The following MYO1H variants were observed in gnomAD, a reference collection of about 807,000 sequenced individuals.
MYO1H encodes the protein unconventional myosin-Ih.
A neutral mutation model predicts 149.3 loss-of-function variants in MYO1H; 118 were observed. That is an observed-to-expected ratio of 0.79 (90% CI 0.68 to 0.92). The LOEUF (loss-of-function observed/expected upper bound fraction) is 0.92, where lower values mean the gene tolerates loss of function less well. Among genes scored for constraint, MYO1H ranks in the 40% least tolerant of loss-of-function variants. The pLI, the probability that MYO1H is intolerant of heterozygous loss-of-function variation, is 0.00. For missense variants in MYO1H, 1,212 were observed against 1,280.7 expected (o/e 0.95, Z 0.82); for synonymous variants, 447 against 465.2 (o/e 0.96, Z 0.50).
At chr12:109,446,044 G>A (rs1019069982) in intron 31 of MYO1H, 8 of 985,078 alleles carry the variant, frequency 8.1e-6, no homozygotes, top group Non-Finnish European at 9.6e-6. Context: ...AAATATAAAC[G>A]TAAGAAAAAT....
chr12:109,397,938 G>C, intron 5 of MYO1H, 126 bp downstream of exon 5: 1 of 578,278 alleles, frequency 1.7e-6, no homozygotes, highest in Non-Finnish European at 2.9e-6. Flanking sequence ...AAATATCCAG[G>C]GTTAGTGCTG....
Position 109,435,120 on chromosome 12 carries a change from T to G in MYO1H, c.2140+7T>G. ...TTTAGTAAACATCAACTAGGTATGATTTCTTTTTCTGTCCCGATTTCAATA... is the reference window on the plus strand; with the variant it reads ...TTTAGTAAACATCAACTAGGTATGAGTTCTTTTTCTGTCCCGATTTCAATA... On this transcript the variant is annotated splice_region_variant and intron_variant, in intron 21 of 31. Transcript: ENST00000310903. 1 of 1,572,166 alleles carries G rather than the reference T, an allele frequency of 6.4e-7. No individual in the cohort carries two copies. The highest frequency in any genetic ancestry group is 2.2e-5 in the East Asian group (1 of 44,684).
chr12:109,398,796 T>C (rs1870028516), intron 5 of MYO1H, among the ~76,000 whole-genome samples: 1 of 147,924 alleles, frequency 6.8e-6, no homozygotes, highest in South Asian at 2.2e-4. Context: ...TGTTTAGGCA[T>C]GCCTGCTTAC....
In MYO1H at chr12:109,422,637, C is replaced by A. The variant is rs138655274; in HGVS notation, c.1644+1610C>A. 3.4e-3 allele frequency among the ~76,000 whole-genome samples: 523 copies of A among 152,326 alleles called. 6 individuals carry two copies. Among genetic ancestry groups the A allele is most frequent in the Non-Finnish European group, 5.5e-3 (377 of 68,030 alleles). ...AAGTCTCCAAATCTCTCCCTTCACC[C>A]ACCAGGGCTGAAGCTCCCTGAACTT... On this transcript the variant is annotated intron_variant, in intron 16 of 31. Transcript: ENST00000310903.
At chr12:109,350,182 T>C (rs765195311) in intron 1 of MYO1H, among the ~76,000 whole-genome samples, 28 of 152,162 alleles carry the variant, frequency 1.8e-4, no homozygotes, top group Non-Finnish European at 3.2e-4. Flanking sequence ...TCGCAGGTGA[T>C]TCATTCAAAA....
Position 109,417,972 on chromosome 12 carries a change from C to T in MYO1H, c.1597+2352C>T, listed in dbSNP as rs552456363. Among the ~76,000 whole-genome samples the T allele has an allele frequency of 1.4e-3, 212 of 151,800 alleles. 1 individual carries two copies. The highest frequency in any genetic ancestry group is 5.0e-3 in the African/African-American group (205 of 41,402). ...CTGGGACTACAGGCGCCCGCCACCACGCCCGGCTAATTTTTTCTATTTTGT... is the reference window on the plus strand; with the variant it reads ...CTGGGACTACAGGCGCCCGCCACCATGCCCGGCTAATTTTTTCTATTTTGT... On this transcript the variant is annotated intron_variant, in intron 15 of 31. Transcript: ENST00000310903.
chr12:109,419,306 G>C (rs1024552766), intron 15 of MYO1H, among the ~76,000 whole-genome samples: 2 of 152,044 alleles, frequency 1.3e-5, no homozygotes, highest in Middle Eastern at 3.2e-3. Context: ...AGGCAGATGT[G>C]GTGGGGCGGG....
At chr12:109,349,163 C>T (rs748603715) in intron 1 of MYO1H, among the ~76,000 whole-genome samples, 1 of 152,164 alleles carries the variant, frequency 6.6e-6, no homozygotes, top group East Asian at 1.9e-4. Context: ...CAGTGAAAGA[C>T]AACAGATAGG....
rs553801538 is a variant in MYO1H at position 109,429,370 on chromosome 12, G to A, written c.1949+1784G>A. ...CGTAAAGTTGGCCCTCCACACCCGC[G>A]GGTTCCACATCTGAGGATTCACCCA... On this transcript the variant is annotated intron_variant, in intron 19 of 31. Coordinates refer to ENST00000310903, the Ensembl canonical transcript of MYO1H. Among the ~76,000 whole-genome samples the A allele has an allele frequency of 3.9e-5, 6 of 152,156 alleles. No individual in the cohort carries two copies. The South Asian group carries it at 6.2e-4, about 16-fold the overall frequency.
intron 12 of MYO1H, 51 bp downstream of exon 12, chr12:109,410,119 A>G: frequency 2.2e-6 from 2 of 906,952 alleles, no homozygotes; most frequent in Non-Finnish European, 3.1e-6. Context: ...CTAGCTAAAG[A>G]CTTCTTTTTT....
intron 15 of MYO1H, among the ~76,000 whole-genome samples, chr12:109,420,743 T>C (rs1246571068): frequency 1.3e-5 from 2 of 152,104 alleles, no homozygotes; most frequent in African/African-American, 4.8e-5. Context: ...GGGGACAGTG[T>C]TACTGGGATC....
At chr12:109,401,738 CT>C (rs375179253) in intron 6 of MYO1H, among the ~76,000 whole-genome samples, 1,758 of 147,120 alleles carry the variant, frequency 0.012, 26 homozygotes, top group African/African-American at 0.038. Context: ...TTCAAACTAC[CT>C]TTTTTTTTTT....
intron 1 of MYO1H, among the ~76,000 whole-genome samples, chr12:109,357,709 C>G (rs1868639652): frequency 8.3e-6 from 1 of 120,986 alleles, no homozygotes; most frequent in Non-Finnish European, 1.7e-5. Flanking sequence ...TTTTTTTCTC[C>G]CAACCATTTC....
intron 1 of MYO1H, among the ~76,000 whole-genome samples, chr12:109,350,691 A>G (rs943991234): frequency 2.6e-4 from 39 of 152,252 alleles, no homozygotes; most frequent in African/African-American, 9.2e-4. Context: ...CAATATTTAT[A>G]GAAGGTGGCT....
chr12:109,378,569 T>C (rs1869134958), intron 1 of MYO1H, among the ~76,000 whole-genome samples: 1 of 152,322 alleles, frequency 6.6e-6, no homozygotes, highest in East Asian at 1.9e-4. Context: ...AGCCCCCGTC[T>C]GGGCCTCCCA....
Position 109,371,209 on chromosome 12 carries a change from C to CTT in MYO1H, c.13-17472_13-17471dup, listed in dbSNP as rs1195498832. Among the ~76,000 whole-genome samples, 51 of 121,510 alleles carry CTT rather than the reference C, an allele frequency of 4.2e-4. 1 individual carries two copies. The highest frequency in any genetic ancestry group is 1.5e-3 in the African/African-American group (50 of 34,008). 79.7% of individuals were successfully genotyped at this position (121,510 alleles called of 152,430 possible). A position where few individuals can be genotyped will look rare whatever the true frequency, so the allele number is the denominator to read the frequency against. On this transcript the variant is annotated intron_variant, in intron 1 of 31. Transcript: ENST00000310903. ...CACGTACATTGGTTTTCTTTTTTTTCTTTCTTTTTTTTTTTTTTTTTTTTG... is the reference window on the plus strand; with the variant it reads ...CACGTACATTGGTTTTCTTTTTTTTCTTTTTCTTTTTTTTTTTTTTTTTTTTG...
intron 25 of MYO1H, 71 bp from the exon 26 acceptor site, chr12:109,441,544 G>A: frequency 3.2e-6 from 3 of 950,154 alleles, no homozygotes; most frequent in Non-Finnish European, 4.7e-6. Context: ...TGACCTCAAT[G>A]GGTCTAGAGC....
chr12:109,415,739 C>A, intron 15 of MYO1H, 119 bp downstream of exon 15: 1 of 559,086 alleles, frequency 1.8e-6, no homozygotes, highest in East Asian at 3.2e-5. Context: ...CCTAACCTCG[C>A]GTTCAAGCCA....
rs549444744 is a variant in MYO1H, at chr12:109,375,044, G to A, written c.13-13639G>A. Among the ~76,000 whole-genome samples, 18 of 152,084 alleles carry A rather than the reference G, an allele frequency of 1.2e-4. No homozygotes were observed. The East Asian group carries it at 3.1e-3, about 26-fold the overall frequency. On this transcript the variant is annotated intron_variant, in intron 1 of 31. Transcript: ENST00000310903. Reference sequence around the variant, plus strand: ...GAATTTTTGTATTTTTAGTAGAGACGGGGTTTCGCCATGTTGGCCAGGCTG... The same window carrying A: ...GAATTTTTGTATTTTTAGTAGAGACAGGGTTTCGCCATGTTGGCCAGGCTG...
Sources: gnomAD v4.1 joint callset for allele counts (sites outside exome capture counted in the v4.1 genomes callset) on GRCh38, gnomAD v4.1.1 for gene constraint, MANE v1.5 for transcripts, NCBI Gene and HGNC (gene_info 2026-07-23, HGNC 2026-07-21) for gene names.